Variants in ELMO1 observed in about 807,000 individuals in gnomAD.
ELMO1 encodes engulfment and cell motility protein 1.
Under a neutral mutation model 98.9 loss-of-function variants are expected in ELMO1, and 26 were observed. That is an observed-to-expected ratio of 0.26 (90% CI 0.19 to 0.36). The LOEUF (loss-of-function observed/expected upper bound fraction) is 0.36, where lower values mean the gene tolerates loss of function less well. Among genes scored for constraint, ELMO1 ranks in the 10% least tolerant of loss-of-function variants. The probability of loss-of-function intolerance (pLI) is 1.00; values close to 1 mark genes in which losing one functional copy is unlikely to be tolerated. For synonymous variants in ELMO1, 346 were observed against 346.0 expected, an observed-to-expected ratio of 1.00 and a Z score of 0.00; for missense variants, 627 against 935.2, an observed-to-expected ratio of 0.67 and a Z score of 4.30.
chr7:37,288,493 G>A (rs1208237179), intron 4 of ELMO1, among the ~76,000 whole-genome samples: 1 of 152,152 alleles, frequency 6.6e-6, no homozygotes, highest in South Asian at 2.1e-4. Flanking sequence ...CCAAAGTGCT[G>A]GGATTACAGG....
At chr7:37,321,860 T>TCC in intron 2 of ELMO1, among the ~76,000 whole-genome samples, 2 of 148,838 alleles carry the variant, frequency 1.3e-5, no homozygotes, top group Admixed American at 6.6e-5. Flanking sequence ...TAACTCCCTT[T>TCC]TTTTTTTTTT....
At chr7:36,975,845 G>GA (rs200193324) in intron 16 of ELMO1, among the ~76,000 whole-genome samples, 23,509 of 103,554 alleles carry the variant, frequency 0.23, 2,889 homozygotes, top group African/African-American at 0.38. Context: ...ACACTTGCCT[G>GA]AAAAAAAAAA....
intron 13 of ELMO1, among the ~76,000 whole-genome samples, chr7:37,161,905 AAT>A (rs6150082): frequency 0.016 from 669 of 42,414 alleles, 86 homozygotes; most frequent in East Asian, 0.13. Context: ...CAGGTAATCA[AAT>A]ATATATATAT....
rs1345743666 is a variant in ELMO1, at chr7:37,437,850, G to A, written c.-74+10825C>T. Among the ~76,000 whole-genome samples, 4 of 58,582 alleles carry A rather than the reference G, an allele frequency of 6.8e-5. 2 individuals are homozygous for A. The highest frequency in any genetic ancestry group is 1.5e-4 in the Non-Finnish European group (4 of 26,490). 38.4% of individuals were successfully genotyped at this position (58,582 alleles called of 152,430 possible). A position where few individuals can be genotyped will look rare whatever the true frequency, so the allele number is the denominator to read the frequency against. On this transcript the variant is annotated intron_variant, in intron 1 of 21. Coordinates refer to ENST00000310758, the MANE Select transcript of ELMO1 (RefSeq NM_014800.11). ...TAGCCGGGCGCGGTGGCGGGCGCCTGTAGTCCCAGCTACTCGGGAGGCTGA... is the reference window on the plus strand; with the variant it reads ...TAGCCGGGCGCGGTGGCGGGCGCCTATAGTCCCAGCTACTCGGGAGGCTGA...
chr7:37,196,932 C>T (rs1791996854), intron 13 of ELMO1, among the ~76,000 whole-genome samples: 1 of 152,150 alleles, frequency 6.6e-6, no homozygotes, highest in African/African-American at 2.4e-5. Context: ...TGGGTGTGGC[C>T]ACTGCAGCTA....
intron 18 of ELMO1, among the ~76,000 whole-genome samples, chr7:36,881,568 A>G (rs1447812012): frequency 6.6e-6 from 1 of 152,212 alleles, no homozygotes; most frequent in East Asian, 1.9e-4. Flanking sequence ...CTTCCAGTCA[A>G]TTACTAATGA....
chr7:37,250,931 A>G (rs1795312679), intron 6 of ELMO1, among the ~76,000 whole-genome samples: 2 of 152,102 alleles, frequency 1.3e-5, no homozygotes. Flanking sequence ...TTCCCATCAC[A>G]TTGCCAAGCG....
At chr7:37,197,581 G>A (rs1478949869) in intron 13 of ELMO1, among the ~76,000 whole-genome samples, 3 of 152,222 alleles carry the variant, frequency 2.0e-5, no homozygotes, top group African/African-American at 4.8e-5. Context: ...ACTGTCTCAG[G>A]AGAAAGGATA....
chr7:36,853,700 G>T lies in ELMO1; in HGVS notation c.*1851C>A, dbSNP rs1802005538. On this transcript the variant is annotated 3_prime_UTR_variant, in exon 22 of 22. Transcript: ENST00000310758. ...AGGTCAATCTGTAATTGCACATCCT[G>T]ATGACGGTAAAGAGAAATGACCTGG... Among the ~76,000 whole-genome samples, 1 of 152,180 alleles carries T rather than the reference G, an allele frequency of 6.6e-6. No individual in the cohort carries two copies. The highest frequency in any genetic ancestry group is 2.4e-5 in the African/African-American group (1 of 41,442).
At chr7:37,394,418 A>G (rs1803207251) in intron 1 of ELMO1, among the ~76,000 whole-genome samples, 1 of 152,222 alleles carries the variant, frequency 6.6e-6, no homozygotes, top group African/African-American at 2.4e-5. Flanking sequence ...TCAGACGGTC[A>G]GCAAGAGCCT....
chr7:37,278,021 G>GT (rs1796937663), intron 4 of ELMO1, among the ~76,000 whole-genome samples: 1 of 150,642 alleles, frequency 6.6e-6, no homozygotes, highest in Non-Finnish European at 1.5e-5. Flanking sequence ...CCAAACTGTT[G>GT]TATCATGACC....
intron 21 of ELMO1, among the ~76,000 whole-genome samples, chr7:36,860,629 A>C (rs2129032887): frequency 6.6e-6 from 1 of 152,336 alleles, no homozygotes; most frequent in South Asian, 2.1e-4. Context: ...AGTTTTGTAC[A>C]CAGCTCTATA....
At chr7:37,057,279 G>GA (rs199576280) in intron 15 of ELMO1, among the ~76,000 whole-genome samples, 6,245 of 146,760 alleles carry the variant, frequency 0.043, 154 homozygotes, top group Middle Eastern at 0.092. Flanking sequence ...CATGTGTTTT[G>GA]AAAAAAAAAA....
chr7:36,925,514 T>C (rs779197444), intron 16 of ELMO1, among the ~76,000 whole-genome samples: 8 of 152,192 alleles, frequency 5.3e-5, no homozygotes, highest in African/African-American at 1.4e-4. Flanking sequence ...CTCTTCCTTA[T>C]GAGCAGAGTC....
intron 16 of ELMO1, among the ~76,000 whole-genome samples, chr7:36,933,540 G>A (rs1177121107): frequency 6.6e-6 from 1 of 152,184 alleles, no homozygotes; most frequent in African/African-American, 2.4e-5. Flanking sequence ...GCACTTGGAT[G>A]CCCTAGAGTG....
chr7:37,038,307 C>T (rs1424723511), intron 15 of ELMO1, among the ~76,000 whole-genome samples: 4 of 152,142 alleles, frequency 2.6e-5, no homozygotes, highest in Admixed American at 6.5e-5. Context: ...TGAACTCAGC[C>T]CCACCTTCAT....
chr7:37,263,151 A>T (rs1293311708), intron 5 of ELMO1, among the ~76,000 whole-genome samples: 1 of 152,144 alleles, frequency 6.6e-6, no homozygotes, highest in Non-Finnish European at 1.5e-5. Flanking sequence ...AACATTTATT[A>T]TATAAAAAAA....
rs151248224 is a variant in ELMO1, at chr7:37,147,400, C to A, written c.1087-14166G>T. Among the ~76,000 whole-genome samples the A allele has an allele frequency of 1.0e-3, 156 of 152,282 alleles. 1 individual carries two copies. Among genetic ancestry groups the A allele is most frequent in the African/African-American group, 3.7e-3 (153 of 41,526 alleles). Reference sequence around the variant, plus strand: ...CCCACCTGCTACCTCCTGGTCCCAGCCTTGGCTCTGTTTCTCTGGGCTGGA... The same window carrying A: ...CCCACCTGCTACCTCCTGGTCCCAGACTTGGCTCTGTTTCTCTGGGCTGGA... On this transcript the variant is annotated intron_variant, in intron 13 of 21. Coordinates refer to ENST00000310758, the MANE Select transcript of ELMO1 (RefSeq NM_014800.11).
intron 4 of ELMO1, among the ~76,000 whole-genome samples, chr7:37,305,753 C>T (rs1324182582): frequency 2.0e-5 from 3 of 152,178 alleles, no homozygotes; most frequent in Non-Finnish European, 4.4e-5. Flanking sequence ...ATATTATATT[C>T]ACAGAACCAC....
Sources: gnomAD v4.1 joint callset for allele counts (sites outside exome capture counted in the v4.1 genomes callset) on GRCh38, gnomAD v4.1.1 for gene constraint, MANE v1.5 for transcripts, NCBI Gene and HGNC (gene_info 2026-07-23, HGNC 2026-07-21) for gene names.